TVP23B: variants seen among roughly 807,000 people sequenced by gnomAD.
The protein encoded by TVP23B is trans-golgi network vesicle protein 23 homolog B, also known as Golgi apparatus membrane protein TVP23 homolog B.
TVP23B carries 10 observed loss-of-function variants against 30.6 expected under a neutral mutation model. The observed-to-expected ratio is 0.33, with a 90% CI of 0.20 to 0.55. The LOEUF is 0.55. Among genes scored for constraint, TVP23B ranks in the 20% least tolerant of loss-of-function variants. TVP23B has a pLI of 0.91. For synonymous variants in TVP23B, 67 were observed against 83.1 expected (o/e 0.81, Z 1.06); for missense variants, 153 against 243.2 (o/e 0.63, Z 2.47).
chr17:18,802,448 T>C (rs1366900123), intron 5 of TVP23B, among the ~76,000 whole-genome samples: 1 of 151,912 alleles, frequency 6.6e-6, no homozygotes, highest in East Asian at 1.9e-4. Flanking sequence ...TCATTGTTAG[T>C]TGGGAGGAGT....
At chr17:18,790,319 C>T (rs2035970931) in intron 2 of TVP23B, among the ~76,000 whole-genome samples, 1 of 151,654 alleles carries the variant, frequency 6.6e-6, no homozygotes, top group Non-Finnish European at 1.5e-5. Context: ...AAAAAATTAG[C>T]CGGGCGTGGT....
At chr17:18,794,293 T>C (rs1483045563) in intron 3 of TVP23B, among the ~76,000 whole-genome samples, 1 of 152,208 alleles carries the variant, frequency 6.6e-6, no homozygotes, top group Non-Finnish European at 1.5e-5. Context: ...TGACTAAATA[T>C]CACTGTGAAG....
At chr17:18,801,798 A>C (rs531748866) in intron 5 of TVP23B, among the ~76,000 whole-genome samples, 1 of 152,262 alleles carries the variant, frequency 6.6e-6, no homozygotes, top group East Asian at 1.9e-4. Flanking sequence ...GTGTTAACCT[A>C]CTTATGCCTA....
intron 5 of TVP23B, among the ~76,000 whole-genome samples, 154 bp from the exon 6 acceptor site, chr17:18,803,984 A>G (rs1023656322): frequency 9.3e-5 from 14 of 151,290 alleles, no homozygotes; most frequent in Admixed American, 1.3e-4. Flanking sequence ...TGTTCTGGCA[A>G]CTGTCTCTGG....
chr17:18,805,490 G>A, intron 6 of TVP23B, 51 bp from the exon 7 acceptor site: 6 of 1,599,626 alleles, frequency 3.8e-6, no homozygotes, highest in Non-Finnish European at 5.1e-6. Flanking sequence ...CATGGTGTGT[G>A]AAGTGAAATA....
intron 5 of TVP23B, 162 bp downstream of exon 5, chr17:18,799,105 A>G (rs988966580): frequency 1.9e-5 from 13 of 692,876 alleles, no homozygotes; most frequent in South Asian, 1.5e-4. Context: ...ACCTTTCTCT[A>G]TAATACTGGA....
chr17:18,793,037 T>TAAA (rs566510870), intron 3 of TVP23B, among the ~76,000 whole-genome samples: 1 of 149,774 alleles, frequency 6.7e-6, no homozygotes, highest in Non-Finnish European at 1.5e-5. Flanking sequence ...CTGATGAGCT[T>TAAA]AAAAAAAAAA....
chr17:18,783,075 C>CTATTGATTTATT (rs2035832975), intron 1 of TVP23B, among the ~76,000 whole-genome samples: 1 of 77,258 alleles, frequency 1.3e-5, no homozygotes, highest in Admixed American at 1.4e-4. Context: ...ACTGTTCCCA[C>CTATTGATTTATT]TATTTATTTA....
Position 18,805,625 on chromosome 17 carries a change from C to T in TVP23B, c.*58C>T, listed in dbSNP as rs1285124623. On this transcript the variant is annotated 3_prime_UTR_variant, in exon 7 of 7. Transcript: ENST00000307767. The stretch of plus-strand genomic sequence containing the variant: ...GGAACAACTGAAGAGATTCTTGACT[C>T]AACCTTTTAGAGCTTAGTCCATGTT... 30 of 1,578,546 alleles carry T rather than the reference C, an allele frequency of 1.9e-5. No homozygotes were observed. In the East Asian group the frequency reaches 4.5e-4, roughly 24 times the overall value.
intron 1 of TVP23B, among the ~76,000 whole-genome samples, chr17:18,787,629 T>C (rs2035928505): frequency 1.3e-5 from 2 of 152,102 alleles, no homozygotes; most frequent in Admixed American, 1.3e-4. Flanking sequence ...GAGCAGGGCA[T>C]GAGGAAGGGA....
chr17:18,794,512 C>A (rs2036045628), intron 3 of TVP23B, among the ~76,000 whole-genome samples: 1 of 151,980 alleles, frequency 6.6e-6, no homozygotes, highest in Non-Finnish European at 1.5e-5. Flanking sequence ...CTGAATATGT[C>A]AAAAACTGAA....
intron 1 of TVP23B, 135 bp from the exon 2 acceptor site, chr17:18,789,218 C>G: frequency 7.3e-7 from 1 of 1,370,664 alleles, no homozygotes; most frequent in Non-Finnish European, 9.9e-7. Context: ...GTGTCCTTTT[C>G]CTAGGTTTTG....
chr17:18,804,967 T>C (rs1201020610), intron 6 of TVP23B, among the ~76,000 whole-genome samples: 1 of 151,726 alleles, frequency 6.6e-6, no homozygotes, highest in Non-Finnish European at 1.5e-5. Context: ...TTTTTCCCCC[T>C]AGAACATAAG....
chr17:18,783,477 A>G (rs1316402746), intron 1 of TVP23B, among the ~76,000 whole-genome samples: 2 of 152,284 alleles, frequency 1.3e-5, no homozygotes, highest in African/African-American at 2.4e-5. Flanking sequence ...CGGTCATTCT[A>G]CATTTCCATA....
intron 1 of TVP23B, 30 bp downstream of exon 1, chr17:18,781,335 G>C (rs758431700): frequency 1.5e-4 from 242 of 1,569,370 alleles, no homozygotes; most frequent in Non-Finnish European, 2.0e-4. Flanking sequence ...CTGGGAGGGT[G>C]GCGGCTCCTG....
chr17:18,781,216 G>C lies in TVP23B; in HGVS notation c.-78G>C, dbSNP rs543921565. 80 of 1,544,646 alleles carry C rather than the reference G, an allele frequency of 5.2e-5. 2 individuals carry two copies. In the South Asian group the frequency reaches 8.5e-4, roughly 16 times the overall value. ...GGTCCCTGCTGGCCCTTGGTGACGG[G>C]TCGCCTCAGTTCCGACCCGGACCCG... On this transcript the variant is annotated 5_prime_UTR_variant, in exon 1 of 7. Transcript: ENST00000307767.
At chr17:18,787,687 T>C (rs530265081) in intron 1 of TVP23B, among the ~76,000 whole-genome samples, 57 of 152,262 alleles carry the variant, frequency 3.7e-4, no homozygotes, top group African/African-American at 1.3e-3. Flanking sequence ...GGAGAGAGAT[T>C]GTAGTGTTCT....
intron 1 of TVP23B, among the ~76,000 whole-genome samples, chr17:18,785,385 CTTTTTTT>C (rs61537943): frequency 2.9e-5 from 4 of 137,804 alleles, no homozygotes; most frequent in African/African-American, 8.2e-5. Context: ...AGCTATTTGT[CTTTTTTT>C]TTTTTTTTTT....
At chr17:18,805,418 G>A (rs2036234122) in intron 6 of TVP23B, 123 bp from the exon 7 acceptor site, 3 of 1,489,288 alleles carry the variant, frequency 2.0e-6, no homozygotes, top group African/African-American at 1.4e-5. Context: ...TTGGGCCATT[G>A]TATGTAAGGT....
Sources: gnomAD v4.1 joint callset for allele counts (sites outside exome capture counted in the v4.1 genomes callset) on GRCh38, gnomAD v4.1.1 for gene constraint, MANE v1.5 for transcripts, NCBI Gene and HGNC (gene_info 2026-07-23, HGNC 2026-07-21) for gene names.